DOCK3: variants seen among roughly 807,000 people sequenced by gnomAD.
DOCK3 encodes the protein dedicator of cytokinesis protein 3.
In DOCK3, 60 loss-of-function variants were observed where a neutral mutation model predicts 265.6. The observed-to-expected ratio is 0.23, with a 90% confidence interval of 0.18 to 0.28. The LOEUF is 0.28. DOCK3 is among the 10% of genes least tolerant of loss of function. The pLI is 1.00. For synonymous variants in DOCK3, 881 were observed against 938.0 expected, an observed-to-expected ratio of 0.94 and a Z score of 1.11; for missense variants, 1,981 against 2,594.3, an observed-to-expected ratio of 0.76 and a Z score of 5.14.
intron 27 of DOCK3, among the ~76,000 whole-genome samples, chr3:51,296,470 C>T (rs1000851048): frequency 6.6e-6 from 1 of 151,348 alleles, no homozygotes; most frequent in Non-Finnish European, 1.5e-5. Flanking sequence ...TAAACTCTTA[C>T]TTAAATTGGT....
chr3:51,217,451 G>A (rs558263713), intron 14 of DOCK3, among the ~76,000 whole-genome samples: 1 of 152,098 alleles, frequency 6.6e-6, no homozygotes, highest in East Asian at 1.9e-4. Flanking sequence ...CTGGTGTTCT[G>A]GGAGCCAAAC....
intron 12 of DOCK3, among the ~76,000 whole-genome samples, chr3:51,201,612 A>G (rs1375627949): frequency 6.6e-6 from 1 of 152,196 alleles, no homozygotes; most frequent in Admixed American, 6.5e-5. Context: ...AGACAGATCA[A>G]CAAGACAGAA....
At chr3:51,267,606 G>A (rs1333705959) in intron 23 of DOCK3, among the ~76,000 whole-genome samples, 1 of 151,818 alleles carries the variant, frequency 6.6e-6, no homozygotes, top group Non-Finnish European at 1.5e-5. Flanking sequence ...GGCTAGTCTC[G>A]AACTCCTGAC....
chr3:51,153,149 G>A (rs1408278669), intron 10 of DOCK3, among the ~76,000 whole-genome samples: 1 of 152,218 alleles, frequency 6.6e-6, no homozygotes, highest in East Asian at 1.9e-4. Flanking sequence ...GCTGTGGTGG[G>A]CTCTGCCCGT....
intron 37 of DOCK3, among the ~76,000 whole-genome samples, chr3:51,340,794 C>G (rs1398189099): frequency 6.6e-6 from 1 of 152,164 alleles, no homozygotes; most frequent in African/African-American, 2.4e-5. Context: ...GGCCTTCACT[C>G]TGGGTCTAGT....
intron 6 of DOCK3, among the ~76,000 whole-genome samples, chr3:51,067,400 T>G (rs917064264): frequency 6.7e-5 from 10 of 150,178 alleles, no homozygotes; most frequent in African/African-American, 2.5e-4. Flanking sequence ...TATTCCAATT[T>G]CATGACTTTT....
intron 1 of DOCK3, among the ~76,000 whole-genome samples, chr3:50,752,343 T>C (rs768883583): frequency 5.9e-5 from 9 of 151,952 alleles, no homozygotes; most frequent in Non-Finnish European, 8.8e-5. Flanking sequence ...ACCCCATCTC[T>C]ACTAAAAATT....
chr3:51,212,560 A>G (rs533927184), intron 13 of DOCK3, among the ~76,000 whole-genome samples: 10 of 151,312 alleles, frequency 6.6e-5, no homozygotes, highest in Non-Finnish European at 1.2e-4. Flanking sequence ...TACCCAGAGG[A>G]TATGATTTGA....
chr3:50,935,040 CTT>C (rs534143873), intron 5 of DOCK3, among the ~76,000 whole-genome samples: 1 of 152,088 alleles, frequency 6.6e-6, no homozygotes, highest in African/African-American at 2.4e-5. Context: ...CTCTCTCTCT[CTT>C]TTTTTCTCCT....
rs116928476 is a variant in DOCK3, at chr3:51,274,261, C to G, written c.2549-818C>G. On this transcript the variant is annotated intron_variant, in intron 24 of 52. Transcript: ENST00000266037. ...GTATACACACTGAGCAGCAATCTAA[C>G]AAGCCTGTGGGGGAAAGGGAGCAGG... Among the ~76,000 whole-genome samples the G allele has an allele frequency of 4.0e-4, 61 of 152,314 alleles. No individual in the cohort carries two copies. The East Asian group carries it at 0.011, about 26-fold the overall frequency.
chr3:51,069,526 A>G (rs958823422), intron 6 of DOCK3, among the ~76,000 whole-genome samples: 33 of 151,542 alleles, frequency 2.2e-4, no homozygotes, highest in Admixed American at 2.0e-4. Flanking sequence ...AATCATACAT[A>G]TGTGTGTGTA....
At chr3:51,180,223 A>AC (rs1290413867) in intron 12 of DOCK3, among the ~76,000 whole-genome samples, 6 of 139,754 alleles carry the variant, frequency 4.3e-5, no homozygotes, top group African/African-American at 1.6e-4. Context: ...AAAAAAAAAA[A>AC]AAACACACAC....
Position 51,339,011 on chromosome 3 carries a change from A to G in DOCK3, c.3749A>G (p.Gln1250Arg), listed in dbSNP as rs2085059539. 2 of 1,600,220 alleles carry G rather than the reference A, an allele frequency of 1.2e-6. No homozygotes were observed. Among genetic ancestry groups the G allele is most frequent in the Non-Finnish European group, 8.5e-7 (1 of 1,173,354 alleles). ...YIHKLCDMHL[Q>R]AENYTEAAFT... ...CATAAGCTTTGTGACATGCACTTGC[A>G]GGCCGAAAACTACACAGGTAAGTGG... The change falls in exon 37 of 53, where the codon CAG becomes CGG. Residue 1250 changes from glutamine (Q) to arginine (R), a missense_variant. By Grantham distance (43) the Gln-to-Arg change is conservative. Around this residue, in one of 4 missense-constraint regions of DOCK3, gnomAD observed 1,357 missense variants for 1,866.8 expected, o/e 0.73. Transcript: ENST00000266037.
chr3:51,221,836 C>G (rs1405053975), intron 14 of DOCK3, among the ~76,000 whole-genome samples: 1 of 152,116 alleles, frequency 6.6e-6, no homozygotes, highest in African/African-American at 2.4e-5. Context: ...TCAGGGCTAC[C>G]CTCAGAAATA....
At chr3:50,921,035 C>G (rs1475235466) in intron 4 of DOCK3, among the ~76,000 whole-genome samples, 4 of 152,146 alleles carry the variant, frequency 2.6e-5, no homozygotes, top group Non-Finnish European at 5.9e-5. Context: ...GCAGGTTGTT[C>G]AGTTTTCATG....
At chr3:50,787,237 C>G in intron 2 of DOCK3, 1 of 555,630 alleles carries the variant, frequency 1.8e-6, no homozygotes, top group South Asian at 1.9e-5. Flanking sequence ...ATTTGCTTCT[C>G]CAGACACCAG....
intron 5 of DOCK3, among the ~76,000 whole-genome samples, chr3:50,972,176 G>A (rs2077258244): frequency 6.6e-6 from 1 of 152,238 alleles, no homozygotes; most frequent in African/African-American, 2.4e-5. Flanking sequence ...CTGCAGGTAT[G>A]CTGCTACTGG....
chr3:51,136,358 T>C (rs1000384141), intron 9 of DOCK3, among the ~76,000 whole-genome samples: 11 of 151,882 alleles, frequency 7.2e-5, no homozygotes, highest in Admixed American at 7.2e-4. Flanking sequence ...TCCTGAGTAG[T>C]TGGGACTATA....
chr3:51,372,949 A>T (rs953379616), intron 49 of DOCK3, among the ~76,000 whole-genome samples: 1 of 152,250 alleles, frequency 6.6e-6, no homozygotes, highest in South Asian at 2.1e-4. Flanking sequence ...GTCGAGTTTT[A>T]AAAATCATAT....
Sources: gnomAD v4.1 joint callset for allele counts (sites outside exome capture counted in the v4.1 genomes callset) on GRCh38, gnomAD v4.1.1 for gene constraint, gnomAD v4.1.1 regional missense constraint, MANE v1.5 for transcripts, NCBI Gene and HGNC (gene_info 2026-07-23, HGNC 2026-07-21) for gene names.